The following DNAH1 variants were observed in gnomAD, a reference collection of about 807,000 sequenced individuals.
DNAH1 encodes the protein dynein axonemal heavy chain 1, also known as axonemal beta dynein heavy chain 1.
A neutral mutation model predicts 484.3 loss-of-function variants in DNAH1; 327 were observed. The observed-to-expected ratio is 0.68, with a 90% CI of 0.62 to 0.74. DNAH1 has a LOEUF of 0.74. DNAH1 is among the 30% of genes least tolerant of loss of function. DNAH1 has a pLI of 0.00. For synonymous variants in DNAH1, 2,192 were observed against 2,191.9 expected, an observed-to-expected ratio of 1.00 and a Z score of 0.00; for missense variants, 5,052 against 5,546.8, an observed-to-expected ratio of 0.91 and a Z score of 2.83.
chr3:52,348,968 A>T lies in DNAH1; in HGVS notation c.2187A>T (p.Leu729=). 6.2e-7 allele frequency: 1 copy of T among 1,613,526 alleles called. No homozygotes were observed. Among genetic ancestry groups the T allele is most frequent in the East Asian group, 2.2e-5 (1 of 44,884 alleles). The change falls in exon 13 of 78, where the codon CTA becomes CTT. Residue 729 remains leucine (L), a synonymous_variant. Coordinates refer to ENST00000420323, the MANE Select transcript of DNAH1 (RefSeq NM_015512.5). The stretch of plus-strand genomic sequence containing the variant: ...TTCATGAGCCACTGGTGGAAGAGCT[A>T]CGGGCCACCATTGCCAGTGCCGTGT... ...VGLHEPLVEE[L]RATIASAVSK... is the part of the protein sequence containing the mutation.
In DNAH1 at chr3:52,351,841, T is replaced by C. The variant is rs1191346339; in HGVS notation, c.2730-121T>C. 1.8e-5 allele frequency: 22 copies of C among 1,243,984 alleles called. No homozygotes were observed. The East Asian group carries it at 5.1e-4, about 29-fold the overall frequency. The allele number at this position is 1,243,984 out of a possible 1,614,324, so 77.1% of individuals were successfully genotyped here. ...CAGGTAGCCTCCACAGCTGCCTGGATTTCCCCTGAACCCCTTCTCACTGGC... is the reference window on the plus strand; with the variant it reads ...CAGGTAGCCTCCACAGCTGCCTGGACTTCCCCTGAACCCCTTCTCACTGGC... On this transcript the variant is annotated intron_variant, in intron 16 of 77. Transcript: ENST00000420323.
rs1380824015 is a variant in DNAH1, at chr3:52,369,999, C to T, written c.6118C>T (p.Leu2040Phe). 6.2e-7 allele frequency: 1 copy of T among 1,613,252 alleles called. No individual in the cohort carries two copies. The highest frequency in any genetic ancestry group is 8.5e-7 in the Non-Finnish European group (1 of 1,179,442). Residue 2040 changes from leucine to phenylalanine, a missense_variant, in exon 38 of 78, where the codon CTC becomes TTC. Leu to Phe is a conservative substitution (Grantham distance 22, BLOSUM62 0). Transcript: ENST00000420323. ...LKPYEEHFKA[L>F]FVSFLEESIS... ...GCCCTATGAGGAGCATTTCAAGGCC[C>T]TCTTTGTCAGCTTCCTGGAGGTGAG...
In DNAH1 at chr3:52,347,955, C is replaced by A. The variant is rs1270164557; in HGVS notation, c.2087C>A (p.Ala696Asp). ...LFDKGILATH[A>D]VPQLEKLVME... is the part of the protein sequence containing the mutation. ...GACAAGGGCATCCTGGCCACCCATG[C>A]CGTGCCCCAGCTGGAGAAGGTACGT... The change falls in exon 12 of 78, where the codon GCC becomes GAC. Residue 696 changes from alanine to aspartate, a missense_variant. Coordinates refer to ENST00000420323, the MANE Select transcript of DNAH1 (RefSeq NM_015512.5). 2 of 1,609,572 alleles carry A rather than the reference C, an allele frequency of 1.2e-6. No individual in the cohort carries two copies. The highest frequency in any genetic ancestry group is 1.3e-5 in the African/African-American group (1 of 74,986).
In DNAH1 at chr3:52,353,574, C is replaced by A. The variant is rs1420591188; in HGVS notation, c.3421C>A (p.His1141Asn). Reference protein sequence around the residue: ...ARCLEMNLQDHIESISKVAEV... With the variant: ...ARCLEMNLQDNIESISKVAEV... ...CTGCCTGGAGATGAACCTGCAGGAC[C>A]ATATCGAGAGCATCAGCAAGGTGGC... is the stretch of plus-strand genomic sequence containing the variant. The change falls in exon 20 of 78, where the codon CAT becomes AAT. Residue 1141 changes from histidine (H) to asparagine (N), a missense_variant. His to Asn is a moderately conservative substitution (Grantham distance 68). Transcript: ENST00000420323. This position sits in a 1 kb window ranked among gnomAD's most constrained non-coding sequence, Gnocchi z 5.0. 6.2e-7 allele frequency: 1 copy of A among 1,612,666 alleles called. No individual in the cohort carries two copies. Among genetic ancestry groups the A allele is most frequent in the East Asian group, 2.2e-5 (1 of 44,824 alleles).
rs769397907 is a variant in DNAH1, at chr3:52,357,988, C to T, written c.4071C>T (p.Phe1357=). Residue 1357 remains phenylalanine, a synonymous_variant, in exon 24 of 78, where the codon TTC becomes TTT. Transcript: ENST00000420323. ...TAVQPHLRKC[F]ENIARLLFQE... The stretch of plus-strand genomic sequence containing the variant: ...TGCAGCCACACCTGCGCAAGTGCTT[C>T]GAGAACATCGCTCGGGTGGGCAGCT... 13 of 1,609,626 alleles carry T rather than the reference C, an allele frequency of 8.1e-6. No homozygotes were observed. The highest frequency in any genetic ancestry group is 6.7e-5 in the African/African-American group (5 of 74,856).
chr3:52,382,656 G>C (rs1401992387), intron 50 of DNAH1, among the ~76,000 whole-genome samples: 1 of 152,190 alleles, frequency 6.6e-6, no homozygotes, highest in Admixed American at 6.5e-5. Flanking sequence ...GAGCTAAGGT[G>C]GGGTATAGAT....
In DNAH1 at chr3:52,382,353, C is replaced by G; in HGVS notation, c.7839C>G (p.Ser2613=). The G allele has an allele frequency of 2.5e-6, 4 of 1,613,998 alleles. No homozygotes were observed. The highest frequency in any genetic ancestry group is 3.4e-6 in the Non-Finnish European group (4 of 1,179,890). The part of the protein sequence containing the change: ...AEYECFQIEL[S]KNYGMSEWRD... The stretch of plus-strand genomic sequence containing the variant: ...ACGAGTGCTTCCAGATTGAACTATC[C>G]AAGAACTACGGCATGTCCGAGTGGC... Residue 2613 remains serine (S), a synonymous_variant, in exon 50 of 78, where the codon TCC becomes TCG. Coordinates refer to ENST00000420323, the MANE Select transcript of DNAH1 (RefSeq NM_015512.5).
intron 46 of DNAH1, 37 bp from the exon 47 acceptor site, chr3:52,378,565 C>G: frequency 6.2e-7 from 1 of 1,605,268 alleles, no homozygotes; most frequent in Non-Finnish European, 8.5e-7. Flanking sequence ...GAGGGAGCTC[C>G]TGGCATGTGA....
chr3:52,388,563 A>G lies in DNAH1; in HGVS notation c.9317A>G (p.Glu3106Gly), dbSNP rs1212955441. 2.4e-5 allele frequency: 38 copies of G among 1,612,816 alleles called. No homozygotes were observed. Among genetic ancestry groups the G allele is most frequent in the Non-Finnish European group, 3.1e-5 (36 of 1,179,596 alleles). Residue 3106 changes from glutamate to glycine, a missense_variant, in exon 58 of 78, where the codon GAG becomes GGG. Around this residue, in one of 4 missense-constraint regions of DNAH1, gnomAD observed 2,929 missense variants for 3,409.4 expected, o/e 0.86. Coordinates refer to ENST00000420323, the MANE Select transcript of DNAH1 (RefSeq NM_015512.5). ...RECITKKEEL[E>G]LKCEQCEQRL... ...TGCATTACCAAGAAGGAGGAGCTGGAGCTGAAGTGTGAGCAGTGTGAGCAG... is the reference window on the plus strand; with the variant it reads ...TGCATTACCAAGAAGGAGGAGCTGGGGCTGAAGTGTGAGCAGTGTGAGCAG...
Position 52,393,501 on chromosome 3 carries a change from C to A in DNAH1, c.10626+16C>A. The A allele has an allele frequency of 6.2e-7, 1 of 1,613,444 alleles. No homozygotes were observed. Among genetic ancestry groups the A allele is most frequent in the Non-Finnish European group, 8.5e-7 (1 of 1,179,436 alleles). The stretch of plus-strand genomic sequence containing the variant: ...AATCAACCAGGTGCTGGCAGAGACA[C>A]CCAGGACAGACTGCCTGAGGGGTGG... On this transcript the variant is annotated intron_variant, in intron 66 of 77. Transcript: ENST00000420323.
At chr3:52,337,394 T>C (rs374113377) in intron 8 of DNAH1, among the ~76,000 whole-genome samples, 18 of 152,346 alleles carry the variant, frequency 1.2e-4, no homozygotes, top group African/African-American at 4.3e-4. Flanking sequence ...TGACATTTTA[T>C]TATTTCCGTT....
intron 44 of DNAH1, among the ~76,000 whole-genome samples, chr3:52,373,339 G>T (rs1703437437): frequency 1.3e-5 from 2 of 152,120 alleles, no homozygotes; most frequent in Non-Finnish European, 2.9e-5. Flanking sequence ...GGCGGGGCGG[G>T]GGCGCTGCTG....
intron 20 of DNAH1, among the ~76,000 whole-genome samples, chr3:52,354,572 G>A (rs1402670056): frequency 6.6e-6 from 1 of 151,692 alleles, no homozygotes; most frequent in Non-Finnish European, 1.5e-5. Flanking sequence ...GGCAGAGATT[G>A]CAGTGAACCA....
intron 1 of DNAH1, among the ~76,000 whole-genome samples, chr3:52,320,551 G>C (rs1701107373): frequency 6.6e-6 from 1 of 152,312 alleles, no homozygotes; most frequent in Admixed American, 6.5e-5. Context: ...TTTTGCTCTA[G>C]ACAGCCCTGG....
In DNAH1 at chr3:52,361,478, T is replaced by C; in HGVS notation, c.4874+126T>C. ...TGGTGGAGGGGACAGAAGGGGGTAA[T>C]AGGCATCACGGCTTGGTCCTGGGGG... On this transcript the variant is annotated intron_variant, in intron 29 of 77. Coordinates refer to ENST00000420323, the MANE Select transcript of DNAH1 (RefSeq NM_015512.5). This position sits in a 1 kb window ranked among gnomAD's most constrained non-coding sequence, Gnocchi z 5.6. 7.7e-7 allele frequency: 1 copy of C among 1,292,382 alleles called. No homozygotes were observed. The highest frequency in any genetic ancestry group is 1.5e-5 in the South Asian group (1 of 67,046). The allele number at this position is 1,292,382 out of a possible 1,614,324, so 80.1% of individuals were successfully genotyped here.
chr3:52,346,547 A>G lies in DNAH1; in HGVS notation c.1732A>G (p.Lys578Glu). The part of the protein sequence containing the change: ...AMRSSLRDMS[K>E]GWYNLYETNW... ...GCGCAGCAGCCTGCGCGACATGAGC[A>G]AGGGCTGGTACAACCTCTACGAGAC... The change falls in exon 11 of 78, where the codon AAG becomes GAG. Residue 578 changes from lysine (K) to glutamate (E), a missense_variant. Transcript: ENST00000420323. 6.2e-7 allele frequency: 1 copy of G among 1,614,030 alleles called. No individual in the cohort carries two copies.
chr3:52,388,485 G>T lies in DNAH1; in HGVS notation c.9239G>T (p.Arg3080Leu). 1 of 1,612,646 alleles carries T rather than the reference G, an allele frequency of 6.2e-7. No individual in the cohort carries two copies. Among genetic ancestry groups the T allele is most frequent in the Non-Finnish European group, 8.5e-7 (1 of 1,179,398 alleles). ...TQRILDEAKQ[R>L]LREVEDGIAT... ...AGGATCCTGGATGAGGCAAAACAGCGCCTTCGTGAGGTGGAGGACGGCATC... is the reference window on the plus strand; with the variant it reads ...AGGATCCTGGATGAGGCAAAACAGCTCCTTCGTGAGGTGGAGGACGGCATC... Residue 3080 changes from arginine (R) to leucine (L), a missense_variant, in exon 58 of 78, where the codon CGC becomes CTC. Physicochemically the swap from Arg to Leu is moderately radical, Grantham distance 102. Around this residue, in one of 4 missense-constraint regions of DNAH1, gnomAD observed 2,929 missense variants for 3,409.4 expected, o/e 0.86. Coordinates refer to ENST00000420323, the MANE Select transcript of DNAH1 (RefSeq NM_015512.5).
Position 52,355,985 on chromosome 3 carries a change from C to T in DNAH1, c.3694-629C>T, listed in dbSNP as rs988789410. 6.6e-6 allele frequency among the ~76,000 whole-genome samples: 1 copy of T among 152,222 alleles called. No individual in the cohort carries two copies. Among genetic ancestry groups the T allele is most frequent in the Non-Finnish European group, 1.5e-5 (1 of 68,022 alleles). On this transcript the variant is annotated intron_variant, in intron 21 of 77. Coordinates refer to ENST00000420323, the MANE Select transcript of DNAH1 (RefSeq NM_015512.5). This position sits in a 1 kb window ranked among gnomAD's most constrained non-coding sequence, Gnocchi z 4.5. ...GGGACCAGGCCGCATTCCCCTGTTT[C>T]CCCTAGTGCCTCCCAGGGCCTGGCA... is the stretch of plus-strand genomic sequence containing the variant.
chr3:52,361,764 CG>C lies in DNAH1; in HGVS notation c.4980+1del. The C allele has an allele frequency of 6.3e-7, 1 of 1,598,890 alleles. No homozygotes were observed. ...CACCATCCAGAAGGCGCAGCAGCAG[CG>C]GGTGAGCCCGGGGGACCCACCTTAC... ...ITTIQKAQQQ[R>X]VERFMFEGVE... On this transcript the variant is annotated frameshift_variant and splice_region_variant, in exon 30 of 78. Coordinates refer to ENST00000420323, the MANE Select transcript of DNAH1 (RefSeq NM_015512.5). LOFTEE classifies it high-confidence loss of function. The surrounding 1 kb of genome is among the most constrained non-coding windows in gnomAD (Gnocchi z 5.6).
Sources: allele counts gnomAD v4.1 joint callset (sites outside exome capture counted in the v4.1 genomes callset), GRCh38; gene constraint gnomAD v4.1.1; regional missense constraint gnomAD v4.1.1; non-coding constraint Gnocchi (gnomAD v3.1); transcripts MANE v1.5; gene names NCBI Gene and HGNC (gene_info 2026-07-23, HGNC 2026-07-21).